The following VCAN variants were observed in gnomAD, a reference collection of about 807,000 sequenced individuals.
VCAN encodes the protein versican core protein.
In VCAN, 44 loss-of-function variants were observed where a neutral mutation model predicts 245.5. The observed-to-expected ratio is 0.18, with a 90% CI of 0.14 to 0.23. The LOEUF is 0.23. Among genes scored for constraint, VCAN ranks in the 10% least tolerant of loss-of-function variants. VCAN has a pLI of 1.00. For missense variants in VCAN, 3,793 were observed against 4,057.9 expected, an observed-to-expected ratio of 0.93 and a Z score of 1.77; for synonymous variants, 1,413 against 1,437.0, an observed-to-expected ratio of 0.98 and a Z score of 0.38.
In VCAN at chr5:83,520,410, G is replaced by A. The variant is rs201590497; in HGVS notation, c.2104G>A (p.Glu702Lys). The change falls in exon 7 of 15, where the codon GAA becomes AAA. Residue 702 changes from glutamate to lysine, a missense_variant. Glu to Lys is a moderately conservative substitution (Grantham distance 56, BLOSUM62 1). This residue lies in a region of VCAN where 3,182 missense variants were observed against 3,250.3 expected (regional missense o/e 0.98). Coordinates refer to ENST00000265077, the MANE Select transcript of VCAN (RefSeq NM_004385.5). Reference sequence around the variant, plus strand: ...GATGAGAACAGATACTTATACAGATGAAATACAAGAAGAGATCACTAAAAG... The same window carrying A: ...GATGAGAACAGATACTTATACAGATAAAATACAAGAAGAGATCACTAAAAG... ...PEMRTDTYTD[E>K]IQEEITKSPF... The A allele has an allele frequency of 1.1e-4, 183 of 1,613,476 alleles. 2 individuals are homozygous for A. In the East Asian group the frequency reaches 4.0e-3, roughly 35 times the overall value.
intron 1 of VCAN, among the ~76,000 whole-genome samples, chr5:83,481,024 G>A (rs1374576542): frequency 6.6e-6 from 1 of 151,998 alleles, no homozygotes; most frequent in African/African-American, 2.4e-5. Flanking sequence ...CAGAAAATGA[G>A]GTTTAGAGAG....
chr5:83,552,652 A>G (rs1445972825), intron 10 of VCAN, among the ~76,000 whole-genome samples: 1 of 138,486 alleles, frequency 7.2e-6, no homozygotes, highest in South Asian at 2.1e-4. Flanking sequence ...ACACACACAG[A>G]CACACACACA....
chr5:83,580,483 A>G lies in VCAN; in HGVS notation c.*49A>G, dbSNP rs779349818. The G allele has an allele frequency of 6.2e-7, 1 of 1,610,386 alleles. No individual in the cohort carries two copies. The highest frequency in any genetic ancestry group is 1.1e-5 in the South Asian group (1 of 90,490). ...TTTCATCATTTCAGCCAAAGTCCTA[A>G]CTTCCTGTGCCTTTCCTATCACCTC... On this transcript the variant is annotated 3_prime_UTR_variant, in exon 15 of 15. Coordinates refer to ENST00000265077, the MANE Select transcript of VCAN (RefSeq NM_004385.5).
Position 83,554,937 on chromosome 5 carries a change from G to A in VCAN, c.9653-19G>A. On this transcript the variant is annotated intron_variant, in intron 11 of 14. Transcript: ENST00000265077. ...ATGGAAAAGTAGTACAAATATCTGTGTGGTTTCCTATCCCTTAGGTGTGGG... is the reference window on the plus strand; with the variant it reads ...ATGGAAAAGTAGTACAAATATCTGTATGGTTTCCTATCCCTTAGGTGTGGG... 1 of 1,610,194 alleles carries A rather than the reference G, an allele frequency of 6.2e-7. No individual in the cohort carries two copies. The highest frequency in any genetic ancestry group is 8.5e-7 in the Non-Finnish European group (1 of 1,176,600).
At chr5:83,533,054 C>T (rs1461750118) in intron 7 of VCAN, among the ~76,000 whole-genome samples, 2 of 152,078 alleles carry the variant, frequency 1.3e-5, no homozygotes, top group Non-Finnish European at 2.9e-5. Flanking sequence ...ATATTGTAAA[C>T]CTCAAATACA....
intron 1 of VCAN, among the ~76,000 whole-genome samples, chr5:83,478,191 C>T (rs564134996): frequency 2.0e-4 from 30 of 152,152 alleles, no homozygotes; most frequent in Non-Finnish European, 3.8e-4. Flanking sequence ...AGTGATTCAC[C>T]CACCTCAGCC....
intron 2 of VCAN, among the ~76,000 whole-genome samples, chr5:83,489,823 T>TTA (rs1554036680): frequency 3.4e-5 from 5 of 148,152 alleles, no homozygotes; most frequent in Non-Finnish European, 1.5e-5. Flanking sequence ...TTTTTTTTTT[T>TTA]ATCACTTATT....
rs145097733 is a variant in VCAN, at chr5:83,538,913, A to G, written c.5910A>G (p.Ser1970=). The G allele has an allele frequency of 1.2e-6, 2 of 1,613,962 alleles. No individual in the cohort carries two copies. Among genetic ancestry groups the G allele is most frequent in the African/African-American group, 2.7e-5 (2 of 75,018 alleles). The change falls in exon 8 of 15, where the codon TCA becomes TCG. Residue 1970 remains serine (S), a synonymous_variant. Coordinates refer to ENST00000265077, the MANE Select transcript of VCAN (RefSeq NM_004385.5). ...CAGCATTTAGGGACACCCAGACTTC[A>G]CCATCTACAGTACCTACTTCAGTTC... is the stretch of plus-strand genomic sequence containing the variant. The part of the protein sequence containing the change: ...GDAAFRDTQT[S]PSTVPTSVHI...
chr5:83,555,097 C>CAATCAGTGCACAG, intron 12 of VCAN, 59 bp downstream of exon 12: 8 of 1,561,610 alleles, frequency 5.1e-6, no homozygotes, highest in Non-Finnish European at 7.1e-6. Flanking sequence ...GTACTGTGCA[C>CAATCAGTGCACAG]TGATTGTGCA....
At chr5:83,554,093 G>GT (rs2112471197) in intron 11 of VCAN, among the ~76,000 whole-genome samples, 1 of 152,332 alleles carries the variant, frequency 6.6e-6, no homozygotes, top group East Asian at 1.9e-4. Flanking sequence ...TATCAGAGCT[G>GT]TTTAATAACT....
rs140143638 is a variant in VCAN at position 83,485,967 on chromosome 5, G to A, written c.70+2379G>A. On this transcript the variant is annotated intron_variant, in intron 2 of 14. Transcript: ENST00000265077. ...TTTTAAAAAATTAGCCGGGGGTGGT[G>A]GCTTGGGCCTGTAGTAGCTTGGGCC... Among the ~76,000 whole-genome samples the A allele has an allele frequency of 7.4e-4, 112 of 152,082 alleles. 1 individual carries two copies. The East Asian group carries it at 0.01, about 14-fold the overall frequency.
rs1257590310 is a variant in VCAN at position 83,580,646 on chromosome 5, A to G, written c.*212A>G. 1.5e-6 allele frequency: 1 copy of G among 673,384 alleles called. No homozygotes were observed. The allele number at this position is 673,384 out of a possible 1,614,324, so 41.7% of individuals were successfully genotyped here. A position where few individuals can be genotyped will look rare whatever the true frequency, so the allele number is the denominator to read the frequency against. On this transcript the variant is annotated 3_prime_UTR_variant, in exon 15 of 15. Coordinates refer to ENST00000265077, the MANE Select transcript of VCAN (RefSeq NM_004385.5). Reference sequence around the variant, plus strand: ...CAAAATGAAAGAAAATGAGAGCAGAAAGTAAGCATTTCCAGCCTATCTAAT... The same window carrying G: ...CAAAATGAAAGAAAATGAGAGCAGAGAGTAAGCATTTCCAGCCTATCTAAT...
chr5:83,541,767 G>A lies in VCAN; in HGVS notation c.8764G>A (p.Ala2922Thr), dbSNP rs149080426. 7.7e-5 allele frequency: 124 copies of A among 1,614,092 alleles called. No individual in the cohort carries two copies. The African/African-American group carries it at 1.5e-3, about 19-fold the overall frequency. The change falls in exon 8 of 15, where the codon GCT (alanine) becomes ACT (threonine). Residue 2922 changes from alanine (A) to threonine (T), a missense_variant. Ala to Thr is a moderately conservative substitution (Grantham distance 58). Transcript: ENST00000265077. ...GGAAGCTTCTCCCACAGAACTTATT[G>A]CTGTGGAAGGAACTGAGATTCTCCA... ...EMEASPTELI[A>T]VEGTEILQDF... is the part of the protein sequence containing the mutation.
chr5:83,476,991 A>G, intron 1 of VCAN, among the ~76,000 whole-genome samples: 1 of 152,170 alleles, frequency 6.6e-6, no homozygotes, highest in Non-Finnish European at 1.5e-5. Context: ...TAATCTTTTT[A>G]TTATTAAATT....
rs1158284334 is a variant in VCAN, at chr5:83,511,585, T to TA, written c.749-517dup. On this transcript the variant is annotated intron_variant, in intron 5 of 14. Coordinates refer to ENST00000265077, the MANE Select transcript of VCAN (RefSeq NM_004385.5). ...AGGTTTTCTTATTTTTTTTTTTTTT[T>TA]ATTTAATGGCGTTAATCCACTTTGT... is the stretch of plus-strand genomic sequence containing the variant. 3.3e-5 allele frequency among the ~76,000 whole-genome samples: 5 copies of TA among 151,716 alleles called. No individual in the cohort carries two copies. In the East Asian group the frequency reaches 9.7e-4, roughly 29 times the overall value.
At chr5:83,499,750 C>T (rs1465650356) in intron 5 of VCAN, among the ~76,000 whole-genome samples, 1 of 152,044 alleles carries the variant, frequency 6.6e-6, no homozygotes, top group South Asian at 2.1e-4. Context: ...TGTATTAATA[C>T]CTATTCATCA....
intron 7 of VCAN, among the ~76,000 whole-genome samples, chr5:83,522,777 C>T (rs1035439280): frequency 6.6e-6 from 1 of 152,154 alleles, no homozygotes; most frequent in African/African-American, 2.4e-5. Flanking sequence ...TGGTTTTTCT[C>T]TTCCAGGATT....
chr5:83,540,438 G>T lies in VCAN; in HGVS notation c.7435G>T (p.Ala2479Ser), dbSNP rs748231705. 1.2e-6 allele frequency: 2 copies of T among 1,614,034 alleles called. No individual in the cohort carries two copies. Among genetic ancestry groups the T allele is most frequent in the East Asian group, 4.5e-5 (2 of 44,858 alleles). Reference protein sequence around the residue: ...PEVPSAKAVTADGFPTVSVML... With the variant: ...PEVPSAKAVTSDGFPTVSVML... ...GGTGCCAAGCGCTAAAGCTGTTACT[G>T]CTGATGGATTCCCAACAGTTTCAGT... is the stretch of plus-strand genomic sequence containing the variant. The change falls in exon 8 of 15, where the codon GCT becomes TCT. Residue 2479 changes from alanine (A) to serine (S), a missense_variant. Coordinates refer to ENST00000265077, the MANE Select transcript of VCAN (RefSeq NM_004385.5).
rs779996783 is a variant in VCAN at position 83,539,701 on chromosome 5, C to G, written c.6698C>G (p.Thr2233Arg). 5 of 1,613,668 alleles carry G rather than the reference C, an allele frequency of 3.1e-6. No individual in the cohort carries two copies. The highest frequency in any genetic ancestry group is 1.7e-5 in the Admixed American group (1 of 59,986). The change falls in exon 8 of 15, where the codon ACA becomes AGA. Residue 2233 changes from threonine (T) to arginine (R), a missense_variant. This residue lies in a region of VCAN where 3,182 missense variants were observed against 3,250.3 expected (regional missense o/e 0.98). Coordinates refer to ENST00000265077, the MANE Select transcript of VCAN (RefSeq NM_004385.5). ...TDSPIKKEES[T>R]KHFPKGMRPT... ...TCACCAATCAAAAAGGAAGAAAGTA[C>G]AAAACATTTTCCGAAAGGCATGAGA...
Sources: allele counts gnomAD v4.1 joint callset (sites outside exome capture counted in the v4.1 genomes callset), GRCh38; gene constraint gnomAD v4.1.1; regional missense constraint gnomAD v4.1.1; transcripts MANE v1.5; gene names NCBI Gene and HGNC (gene_info 2026-07-23, HGNC 2026-07-21).